PRR23B: variants seen among roughly 807,000 people sequenced by gnomAD.
PRR23B encodes the protein proline-rich protein 23B.
For synonymous variants in PRR23B, 157 were observed against 168.0 expected (o/e 0.93, Z 0.51); for missense variants, 375 against 371.7 (o/e 1.01, Z -0.07).
Position 139,020,148 on chromosome 3 carries a change from T to G in PRR23B, c.514A>C (p.Thr172Pro), listed in dbSNP as rs747073272. 1 of 1,613,512 alleles carries G rather than the reference T, an allele frequency of 6.2e-7. No individual in the cohort carries two copies. Among genetic ancestry groups the G allele is most frequent in the African/African-American group, 1.3e-5 (1 of 74,720 alleles). ...EFPELRMDSP[T>P]GSAAGLYPSS... ...GGGTAGAGCCCAGCGGCTGAGCCGGTTGGGGAGTCCATCCGGAGCTCCGGG... is the reference window on the plus strand; with the variant it reads ...GGGTAGAGCCCAGCGGCTGAGCCGGGTGGGGAGTCCATCCGGAGCTCCGGG... The change falls in exon 1 of 1, where the codon ACC (threonine) becomes CCC (proline). Residue 172 changes from threonine to proline, a missense_variant. Transcript: ENST00000329447.
Position 139,020,801 on chromosome 3 carries a change from G to A in PRR23B, c.-140C>T, listed in dbSNP as rs1239395838. ...CGAGCGGGGCGCAGGACCGCGCGAC[G>A]CGGGGCGAGTCCTCGGAGCTCCCGG... On this transcript the variant is annotated 5_prime_UTR_variant, in exon 1 of 1. Transcript: ENST00000329447. The A allele has an allele frequency of 1.8e-6, 2 of 1,109,608 alleles. No individual in the cohort carries two copies. The highest frequency in any genetic ancestry group is 2.5e-6 in the Non-Finnish European group (2 of 812,424). 68.7% of individuals were successfully genotyped at this position (1,109,608 alleles called of 1,614,324 possible). A position where few individuals can be genotyped will look rare whatever the true frequency, so the allele number is the denominator to read the frequency against.
chr3:139,020,794 G>T lies in PRR23B; in HGVS notation c.-133C>A. The stretch of plus-strand genomic sequence containing the variant: ...GTTGGGACGAGCGGGGCGCAGGACC[G>T]CGCGACGCGGGGCGAGTCCTCGGAG... On this transcript the variant is annotated 5_prime_UTR_variant, in exon 1 of 1. Coordinates refer to ENST00000329447, the MANE Select transcript of PRR23B (RefSeq NM_001013650.2). 2.6e-6 allele frequency: 3 copies of T among 1,168,160 alleles called. No homozygotes were observed. The highest frequency in any genetic ancestry group is 3.5e-6 in the Non-Finnish European group (3 of 864,836). 72.4% of individuals were successfully genotyped at this position (1,168,160 alleles called of 1,614,324 possible).
rs1402084756 is a variant in PRR23B at position 139,020,816 on chromosome 3, G to A, written c.-155C>T. The A allele has an allele frequency of 1.6e-5, 15 of 966,832 alleles. No homozygotes were observed. Among genetic ancestry groups the A allele is most frequent in the Non-Finnish European group, 2.2e-5 (15 of 683,684 alleles). 59.9% of individuals were successfully genotyped at this position (966,832 alleles called of 1,614,324 possible). A position where few individuals can be genotyped will look rare whatever the true frequency, so the allele number is the denominator to read the frequency against. On this transcript the variant is annotated 5_prime_UTR_variant, in exon 1 of 1. Coordinates refer to ENST00000329447, the MANE Select transcript of PRR23B (RefSeq NM_001013650.2). ...ACCGCGCGACGCGGGGCGAGTCCTC[G>A]GAGCTCCCGGGGCGCCTCCTGGGGG... is the stretch of plus-strand genomic sequence containing the variant.
Position 139,020,072 on chromosome 3 carries a change from G to A in PRR23B, c.590C>T (p.Pro197Leu). The change falls in exon 1 of 1, where the codon CCC becomes CTC. Residue 197 changes from proline (P) to leucine (L), a missense_variant. Physicochemically the swap from Pro to Leu is moderately conservative, Grantham distance 98. Coordinates refer to ENST00000329447, the MANE Select transcript of PRR23B (RefSeq NM_001013650.2). ...IPYREGPIPE[P>L]CALAPNPSSE... Reference sequence around the variant, plus strand: ...ACTGGGGTTGGGGGCCAGAGCACAGGGTTCTGGGATGGGGCCCTCCCGGTA... The same window carrying A: ...ACTGGGGTTGGGGGCCAGAGCACAGAGTTCTGGGATGGGGCCCTCCCGGTA... 6.2e-7 allele frequency: 1 copy of A among 1,614,048 alleles called. No homozygotes were observed. The highest frequency in any genetic ancestry group is 8.5e-7 in the Non-Finnish European group (1 of 1,179,986).
chr3:139,020,337 C>T lies in PRR23B; in HGVS notation c.325G>A (p.Asp109Asn), dbSNP rs1232359651. 3 of 1,614,008 alleles carry T rather than the reference C, an allele frequency of 1.9e-6. No homozygotes were observed. Among genetic ancestry groups the T allele is most frequent in the East Asian group, 2.2e-5 (1 of 44,818 alleles). Residue 109 changes from aspartate (D) to asparagine (N), a missense_variant, in exon 1 of 1, where the codon GAC (aspartate) becomes AAC (asparagine). By Grantham distance (23) the Asp-to-Asn change is conservative. Coordinates refer to ENST00000329447, the MANE Select transcript of PRR23B (RefSeq NM_001013650.2). ...TCGTGCTGCGCTCCTGAGCGTTCGTCGACGGAGCTCAGGAGGACCTCTGGG... is the reference window on the plus strand; with the variant it reads ...TCGTGCTGCGCTCCTGAGCGTTCGTTGACGGAGCTCAGGAGGACCTCTGGG... ...LIPEVLLSSVDERSGAQHDSS... is the reference protein window; with the variant it reads ...LIPEVLLSSVNERSGAQHDSS...
In PRR23B at chr3:139,020,148, T is replaced by A. The variant is rs747073272; in HGVS notation, c.514A>T (p.Thr172Ser). 6.2e-7 allele frequency: 1 copy of A among 1,613,630 alleles called. No homozygotes were observed. The highest frequency in any genetic ancestry group is 1.7e-5 in the Admixed American group (1 of 60,010). Residue 172 changes from threonine to serine, a missense_variant, in exon 1 of 1, where the codon ACC becomes TCC. Coordinates refer to ENST00000329447, the MANE Select transcript of PRR23B (RefSeq NM_001013650.2). ...EFPELRMDSP[T>S]GSAAGLYPSS... ...GGGTAGAGCCCAGCGGCTGAGCCGGTTGGGGAGTCCATCCGGAGCTCCGGG... is the reference window on the plus strand; with the variant it reads ...GGGTAGAGCCCAGCGGCTGAGCCGGATGGGGAGTCCATCCGGAGCTCCGGG...
At position 139,019,934 on chromosome 3, in the gene PRR23B, C is replaced by T. The variant is rs778932140; in HGVS notation, c.728G>A (p.Gly243Asp). The change falls in exon 1 of 1, where the codon GGT becomes GAT. Residue 243 changes from glycine to aspartate, a missense_variant. Physicochemically the swap from Gly to Asp is moderately conservative, Grantham distance 94. Coordinates refer to ENST00000329447, the MANE Select transcript of PRR23B (RefSeq NM_001013650.2). ...LPPSPCVGSP[G>D]PHARSPLPER... Reference sequence around the variant, plus strand: ...CGGGAGCGGCGAGCGCGCGTGGGGACCTGGACTCCCCACGCACGGAGAGGG... The same window carrying T: ...CGGGAGCGGCGAGCGCGCGTGGGGATCTGGACTCCCCACGCACGGAGAGGG... The T allele has an allele frequency of 4.3e-6, 7 of 1,611,754 alleles. No individual in the cohort carries two copies. Among genetic ancestry groups the T allele is most frequent in the Admixed American group, 3.3e-5 (2 of 59,834 alleles).
rs1411755362 is a variant in PRR23B, at chr3:139,020,881, G to C, written c.-220C>G. On this transcript the variant is annotated 5_prime_UTR_variant, in exon 1 of 1. Transcript: ENST00000329447. ...TGCTGGTGGTGCCTCGCCGGCCACC[G>C]GGCTCAGCTTAGCTCGTTGGACCCT... The C allele has an allele frequency of 5.1e-6, 3 of 591,600 alleles. No individual in the cohort carries two copies. Among genetic ancestry groups the C allele is most frequent in the Non-Finnish European group, 5.7e-6 (2 of 348,754 alleles). The allele number at this position is 591,600 out of a possible 1,614,324, so 36.6% of individuals were successfully genotyped here.
Position 139,020,566 on chromosome 3 carries a change from C to T in PRR23B, c.96G>A (p.Glu32=). Reference sequence around the variant, plus strand: ...CGCGGGGTTCGGGGCCCGCGGGCTCCTCCAATCGGAGGCGCTTGGCAGGGC... The same window carrying T: ...CGCGGGGTTCGGGGCCCGCGGGCTCTTCCAATCGGAGGCGCTTGGCAGGGC... ...GPGPAKRLRL[E]EPAGPEPRAA... The change falls in exon 1 of 1, where the codon GAG becomes GAA. Residue 32 remains glutamate (E), a synonymous_variant. Transcript: ENST00000329447. 6.4e-7 allele frequency: 1 copy of T among 1,552,282 alleles called. No homozygotes were observed. The highest frequency in any genetic ancestry group is 8.7e-7 in the Non-Finnish European group (1 of 1,152,504).
Position 139,019,826 on chromosome 3 carries a change from A to G in PRR23B, c.*38T>C. 2 of 1,520,840 alleles carry G rather than the reference A, an allele frequency of 1.3e-6. No homozygotes were observed. The highest frequency in any genetic ancestry group is 1.3e-5 in the South Asian group (1 of 75,892). The allele number at this position is 1,520,840 out of a possible 1,614,324, so 94.2% of individuals were successfully genotyped here. On this transcript the variant is annotated 3_prime_UTR_variant, in exon 1 of 1. Coordinates refer to ENST00000329447, the MANE Select transcript of PRR23B (RefSeq NM_001013650.2). The stretch of plus-strand genomic sequence containing the variant: ...CGCAATCCTAGAGGGCCTCCAGCAG[A>G]GCGGCCAGGATTGTTGTGTGTACGT...
At position 139,019,909 on chromosome 3, in the gene PRR23B, C is replaced by T. The variant is rs182603479; in HGVS notation, c.753G>A (p.Pro251=). ...SPGPHARSPL[P]ERPPCKARRR... ...TCCGGGCCTTGCACGGAGGGCGTTCCGGGAGCGGCGAGCGCGCGTGGGGAC... is the reference window on the plus strand; with the variant it reads ...TCCGGGCCTTGCACGGAGGGCGTTCTGGGAGCGGCGAGCGCGCGTGGGGAC... The change falls in exon 1 of 1, where the codon CCG becomes CCA. Residue 251 remains proline, a synonymous_variant. Transcript: ENST00000329447. 3.1e-6 allele frequency: 5 copies of T among 1,610,908 alleles called. No homozygotes were observed. In the Admixed American group the frequency reaches 6.7e-5, roughly 22 times the overall value.
chr3:139,019,509 A>G lies in PRR23B; in HGVS notation c.*355T>C, dbSNP rs905461536. 2 of 182,830 alleles carry G rather than the reference A, an allele frequency of 1.1e-5. No individual in the cohort carries two copies. The highest frequency in any genetic ancestry group is 4.7e-5 in the African/African-American group (2 of 42,718). 11.3% of individuals were successfully genotyped at this position (182,830 alleles called of 1,614,324 possible). ...CTGGTGATTTCTTGGTTTGGGGAGA[A>G]ACGGGAGTGGCAGTATGATGCTGGA... is the stretch of plus-strand genomic sequence containing the variant. On this transcript the variant is annotated 3_prime_UTR_variant, in exon 1 of 1. Coordinates refer to ENST00000329447, the MANE Select transcript of PRR23B (RefSeq NM_001013650.2).
In PRR23B at chr3:139,019,559, A is replaced by G. The variant is rs1268216966; in HGVS notation, c.*305T>C. Reference sequence around the variant, plus strand: ...AGAAAGACTGGAATTTGAGAGAAACAACTGATGCAAAACGAGGGAGAATGA... The same window carrying G: ...AGAAAGACTGGAATTTGAGAGAAACGACTGATGCAAAACGAGGGAGAATGA... On this transcript the variant is annotated 3_prime_UTR_variant, in exon 1 of 1. Transcript: ENST00000329447. 2 of 253,898 alleles carry G rather than the reference A, an allele frequency of 7.9e-6. No homozygotes were observed. The highest frequency in any genetic ancestry group is 2.2e-5 in the African/African-American group (1 of 45,004). The allele number at this position is 253,898 out of a possible 1,614,324, so 15.7% of individuals were successfully genotyped here. A position where few individuals can be genotyped will look rare whatever the true frequency, so the allele number is the denominator to read the frequency against.
Position 139,020,819 on chromosome 3 carries a change from G to A in PRR23B, c.-158C>T. ...GCGCGACGCGGGGCGAGTCCTCGGA[G>A]CTCCCGGGGCGCCTCCTGGGGGACC... On this transcript the variant is annotated 5_prime_UTR_variant, in exon 1 of 1. Coordinates refer to ENST00000329447, the MANE Select transcript of PRR23B (RefSeq NM_001013650.2). The A allele has an allele frequency of 1.1e-6, 1 of 948,526 alleles. No individual in the cohort carries two copies. The highest frequency in any genetic ancestry group is 1.5e-6 in the Non-Finnish European group (1 of 667,266). The allele number at this position is 948,526 out of a possible 1,614,324, so 58.8% of individuals were successfully genotyped here. A position where few individuals can be genotyped will look rare whatever the true frequency, so the allele number is the denominator to read the frequency against.
chr3:139,020,888 G>C lies in PRR23B; in HGVS notation c.-227C>G. ...GGTGCCTCGCCGGCCACCGGGCTCAGCTTAGCTCGTTGGACCCTTGGGCCT... is the reference window on the plus strand; with the variant it reads ...GGTGCCTCGCCGGCCACCGGGCTCACCTTAGCTCGTTGGACCCTTGGGCCT... On this transcript the variant is annotated 5_prime_UTR_variant, in exon 1 of 1. Transcript: ENST00000329447. The C allele has an allele frequency of 1.7e-6, 1 of 572,294 alleles. No individual in the cohort carries two copies. Among genetic ancestry groups the C allele is most frequent in the South Asian group, 2.7e-5 (1 of 36,846 alleles). 35.5% of individuals were successfully genotyped at this position (572,294 alleles called of 1,614,324 possible). A position where few individuals can be genotyped will look rare whatever the true frequency, so the allele number is the denominator to read the frequency against.
At position 139,019,605 on chromosome 3, in the gene PRR23B, G is replaced by C; in HGVS notation, c.*259C>G. 2.4e-6 allele frequency: 1 copy of C among 411,074 alleles called. No individual in the cohort carries two copies. The highest frequency in any genetic ancestry group is 4.3e-6 in the Non-Finnish European group (1 of 233,138). 25.5% of individuals were successfully genotyped at this position (411,074 alleles called of 1,614,324 possible). A position where few individuals can be genotyped will look rare whatever the true frequency, so the allele number is the denominator to read the frequency against. On this transcript the variant is annotated 3_prime_UTR_variant, in exon 1 of 1. Transcript: ENST00000329447. ...AATGAAGGGATCTGAATATGACCTT[G>C]TAAAGAAGCCCAGAAATCTGGACAC...
chr3:139,020,588 G>C lies in PRR23B; in HGVS notation c.74C>G (p.Pro25Arg). ...WWGQQPGGPGPAKRLRLEEPA... is the reference protein window; with the variant it reads ...WWGQQPGGPGRAKRLRLEEPA... ...CTCCTCCAATCGGAGGCGCTTGGCA[G>C]GGCCGGGTCCTCCTGGCTGCTGTCC... The change falls in exon 1 of 1, where the codon CCT (proline) becomes CGT (arginine). Residue 25 changes from proline (P) to arginine (R), a missense_variant. Coordinates refer to ENST00000329447, the MANE Select transcript of PRR23B (RefSeq NM_001013650.2). 1.3e-6 allele frequency: 2 copies of C among 1,551,780 alleles called. No individual in the cohort carries two copies.
In PRR23B at chr3:139,019,236, A is replaced by G. The variant is rs1483500685; in HGVS notation, c.*628T>C. The stretch of plus-strand genomic sequence containing the variant: ...AGATTAACAAATTAAAAAAAAATAC[A>G]TAACACAATGCATGCTGAAAACATC... On this transcript the variant is annotated 3_prime_UTR_variant, in exon 1 of 1. Transcript: ENST00000329447. The G allele has an allele frequency of 6.6e-6, 1 of 152,248 alleles. No homozygotes were observed. Among genetic ancestry groups the G allele is most frequent in the Non-Finnish European group, 1.5e-5 (1 of 68,048 alleles). The allele number at this position is 152,248 out of a possible 1,614,324, so 9.4% of individuals were successfully genotyped here.
chr3:139,020,362 G>A lies in PRR23B; in HGVS notation c.300C>T (p.Ile100=), dbSNP rs1257318990. 3.1e-6 allele frequency: 5 copies of A among 1,613,622 alleles called. No homozygotes were observed. Among genetic ancestry groups the A allele is most frequent in the Non-Finnish European group, 3.4e-6 (4 of 1,179,928 alleles). The stretch of plus-strand genomic sequence containing the variant: ...CGACGGAGCTCAGGAGGACCTCTGG[G>A]ATCAGGATGAGGGTGTGTCCACCGA... ...VSLGGHTLIL[I]PEVLLSSVDE... Residue 100 remains isoleucine (I), a synonymous_variant, in exon 1 of 1, where the codon ATC becomes ATT. Transcript: ENST00000329447.
Sources: gnomAD v4.1 joint callset for allele counts on GRCh38, gnomAD v4.1.1 for gene constraint, MANE v1.5 for transcripts, NCBI Gene and HGNC (gene_info 2026-07-23, HGNC 2026-07-21) for gene names.